FBXW10: variants seen among roughly 807,000 people sequenced by gnomAD.
FBXW10 encodes F-box and WD repeat domain containing 10.
FBXW10 carries 68 observed loss-of-function variants against 113.1 expected under a neutral mutation model. The ratio of observed to expected loss-of-function variants is 0.60; its 90% CI spans 0.49 to 0.74. The LOEUF (loss-of-function observed/expected upper bound fraction) is 0.74, where lower values mean the gene tolerates loss of function less well. Among genes scored for constraint, FBXW10 ranks in the 30% least tolerant of loss-of-function variants. The probability of loss-of-function intolerance (pLI) is 0.00; values close to 1 mark genes in which losing one functional copy is unlikely to be tolerated. For missense variants in FBXW10, 753 were observed against 1,284.5 expected (o/e 0.59, Z 6.32); for synonymous variants, 289 against 481.6 (o/e 0.60, Z 5.24).
intron 1 of FBXW10, among the ~76,000 whole-genome samples, chr17:18,746,212 C>G (rs2035035371): frequency 6.6e-6 from 1 of 152,182 alleles, no homozygotes; most frequent in Non-Finnish European, 1.5e-5. Context: ...CCAAAAACCT[C>G]CCATCAAGCC....
chr17:18,777,540 C>T (rs1172774270), intron 13 of FBXW10, among the ~76,000 whole-genome samples: 1 of 151,626 alleles, frequency 6.6e-6, no homozygotes, highest in East Asian at 2.0e-4. Context: ...TTCCCAACTT[C>T]ACATTTTCTT....
chr17:18,768,954 T>TTTG (rs2035556858), intron 10 of FBXW10, among the ~76,000 whole-genome samples: 1 of 149,272 alleles, frequency 6.7e-6, no homozygotes, highest in Non-Finnish European at 1.5e-5. Context: ...TTTTTTTTTT[T>TTTG]GAGACAGAGT....
chr17:18,744,262 A>T lies in FBXW10; in HGVS notation c.18A>T (p.Ser6=), dbSNP rs759102264. Residue 6 remains serine (S), a synonymous_variant, in exon 1 of 14, where the codon TCA becomes TCT. Coordinates refer to ENST00000395665, the MANE Select transcript of FBXW10 (RefSeq NM_001267585.2). MENLE[S]RLKNAPYFRC... ...TTAGGATCATGGAAAACCTGGAATCAAGGCTCAAGAATGCCCCCTATTTTC... is the reference window on the plus strand; with the variant it reads ...TTAGGATCATGGAAAACCTGGAATCTAGGCTCAAGAATGCCCCCTATTTTC... 6.3e-7 allele frequency: 1 copy of T among 1,581,538 alleles called. No individual in the cohort carries two copies. Among genetic ancestry groups the T allele is most frequent in the Non-Finnish European group, 8.6e-7 (1 of 1,162,366 alleles).
chr17:18,773,348 A>G (rs2035650738), intron 12 of FBXW10, among the ~76,000 whole-genome samples: 1 of 152,180 alleles, frequency 6.6e-6, no homozygotes, highest in African/African-American at 2.4e-5. Context: ...CCCAAATTCA[A>G]AACATATATT....
chr17:18,777,022 A>C (rs1054141335), intron 13 of FBXW10, among the ~76,000 whole-genome samples: 37 of 151,744 alleles, frequency 2.4e-4, no homozygotes, highest in African/African-American at 8.7e-4. Flanking sequence ...TTGAGTTTGC[A>C]AGGAGAATAG....
At chr17:18,772,813 T>G (rs1212726373) in intron 12 of FBXW10, 130 bp downstream of exon 12, 1 of 754,874 alleles carries the variant, frequency 1.3e-6, no homozygotes, top group Non-Finnish European at 2.2e-6. Context: ...CCTGAGGATA[T>G]AAATCCTAAC....
At chr17:18,774,639 C>G (rs563837621) in intron 12 of FBXW10, among the ~76,000 whole-genome samples, 1 of 151,790 alleles carries the variant, frequency 6.6e-6, no homozygotes, top group Admixed American at 6.6e-5. Flanking sequence ...ACTAAAAATA[C>G]AAAAAAATTA....
At chr17:18,774,107 A>G (rs981228830) in intron 12 of FBXW10, among the ~76,000 whole-genome samples, 1 of 150,614 alleles carries the variant, frequency 6.6e-6, no homozygotes, top group African/African-American at 2.5e-5. Flanking sequence ...TCTGCTGTAA[A>G]GAGGTGACAA....
chr17:18,758,003 G>A (rs1414668691), intron 6 of FBXW10, among the ~76,000 whole-genome samples: 3 of 152,180 alleles, frequency 2.0e-5, no homozygotes, highest in African/African-American at 4.8e-5. Flanking sequence ...AATTAAATCC[G>A]GGCAATGCCA....
At chr17:18,750,630 A>AT (rs55815282) in intron 4 of FBXW10, among the ~76,000 whole-genome samples, 85,266 of 151,618 alleles carry the variant, frequency 0.56, 24,306 homozygotes, top group African/African-American at 0.62. Flanking sequence ...GGTAACTTGG[A>AT]TTTTTTTTCC....
chr17:18,748,251 CT>C, intron 2 of FBXW10, 146 bp downstream of exon 2: 2 of 1,410,176 alleles, frequency 1.4e-6, no homozygotes, highest in South Asian at 2.9e-5. Context: ...AACCCCGTCT[CT>C]ACTAAAAATA....
intron 1 of FBXW10, among the ~76,000 whole-genome samples, chr17:18,747,087 G>C (rs188212194): frequency 8.6e-4 from 131 of 152,078 alleles, no homozygotes; most frequent in Non-Finnish European, 8.5e-4. Flanking sequence ...ACCACGCCCG[G>C]CTAATTTTTT....
intron 1 of FBXW10, 191 bp downstream of exon 1, chr17:18,744,940 G>A: frequency 6.9e-7 from 1 of 1,444,652 alleles, no homozygotes; most frequent in South Asian, 1.5e-5. Flanking sequence ...ATGACTGAGT[G>A]TAACTTCCTT....
Position 18,770,019 on chromosome 17 carries a change from G to A in FBXW10, c.1940G>A (p.Cys647Tyr). ...IRIYNFLNGN[C>Y]MKVLKANGRG... ...ATTTACAATTTCCTCAACGGGAACT[G>A]TATGAAGGTGTTAAAAGCCAATGGC... Residue 647 changes from cysteine (C) to tyrosine (Y), a missense_variant, in exon 11 of 14, where the codon TGT (cysteine) becomes TAT (tyrosine). Transcript: ENST00000395665. The A allele has an allele frequency of 1.2e-6, 2 of 1,614,234 alleles. No homozygotes were observed. Among genetic ancestry groups the A allele is most frequent in the Non-Finnish European group, 1.7e-6 (2 of 1,180,044 alleles).
At chr17:18,776,131 C>T (rs2035694007) in intron 13 of FBXW10, among the ~76,000 whole-genome samples, 1 of 151,882 alleles carries the variant, frequency 6.6e-6, no homozygotes, top group Admixed American at 6.6e-5. Flanking sequence ...CCAGTCTGGC[C>T]AACATGGTGA....
Position 18,772,498 on chromosome 17 carries a change from A to G in FBXW10, c.2093A>G (p.Lys698Arg). ...WQYAVEKTKQ[K>R]KNKEKEEEKE... The stretch of plus-strand genomic sequence containing the variant: ...TATGCCGTGGAAAAAACGAAACAAA[A>G]GAAGAATAAGGAGAAAGAGGAGGAA... The change falls in exon 12 of 14, where the codon AAG becomes AGG. Residue 698 changes from lysine (K) to arginine (R), a missense_variant. Coordinates refer to ENST00000395665, the MANE Select transcript of FBXW10 (RefSeq NM_001267585.2). 6.2e-7 allele frequency: 1 copy of G among 1,614,122 alleles called. No homozygotes were observed. The highest frequency in any genetic ancestry group is 8.5e-7 in the Non-Finnish European group (1 of 1,179,924).
intron 1 of FBXW10, 128 bp from the exon 2 acceptor site, chr17:18,747,812 CA>C (rs1443975339): frequency 7.2e-7 from 1 of 1,398,570 alleles, no homozygotes; most frequent in Non-Finnish European, 9.5e-7. Context: ...TAAAAACAGA[CA>C]TAACTGCTCT....
intron 10 of FBXW10, 36 bp downstream of exon 10, chr17:18,768,712 T>C: frequency 6.2e-7 from 1 of 1,609,884 alleles, no homozygotes; most frequent in South Asian, 1.1e-5. Flanking sequence ...ATGAACCTGG[T>C]GTCCTTCCCT....
chr17:18,776,067 C>T (rs1456727374), intron 13 of FBXW10, among the ~76,000 whole-genome samples: 1 of 151,212 alleles, frequency 6.6e-6, no homozygotes, highest in Non-Finnish European at 1.5e-5. Context: ...ACCTGTAATC[C>T]CAGTAGTTTA....
Sources: allele counts gnomAD v4.1 joint callset (sites outside exome capture counted in the v4.1 genomes callset), GRCh38; gene constraint gnomAD v4.1.1; transcripts MANE v1.5; gene names NCBI Gene and HGNC (gene_info 2026-07-23, HGNC 2026-07-21).